SYT1: variants seen among roughly 807,000 people sequenced by gnomAD.
The protein encoded by SYT1 is synaptotagmin-1.
SYT1 carries 8 observed loss-of-function variants against 44.8 expected under a neutral mutation model. The ratio of observed to expected loss-of-function variants is 0.18; its 90% CI spans 0.10 to 0.32. The LOEUF (loss-of-function observed/expected upper bound fraction) is 0.32, where lower values mean the gene tolerates loss of function less well. Among genes scored for constraint, SYT1 ranks in the 10% least tolerant of loss-of-function variants. The pLI, the probability that SYT1 is intolerant of heterozygous loss-of-function variation, is 1.00. For missense variants in SYT1, 286 were observed against 509.3 expected (o/e 0.56, Z 4.22); for synonymous variants, 154 against 188.8 (o/e 0.82, Z 1.51).
In SYT1 at chr12:79,389,929, C is replaced by CT. The variant is rs533704755; in HGVS notation, c.928+36322dup. 6.8e-3 allele frequency among the ~76,000 whole-genome samples: 990 copies of CT among 145,752 alleles called. 10 individuals carry two copies. The highest frequency in any genetic ancestry group is 0.021 in the African/African-American group (830 of 39,938). ...CACTACTTGTTTGTTTCCAATAATT[C>CT]TTTTTTTTTTTTCTTTTTTTTGAGA... On this transcript the variant is annotated intron_variant, in intron 9 of 10. Transcript: ENST00000261205.
chr12:78,958,256 C>A lies in SYT1; in HGVS notation c.-216-19543C>A, dbSNP rs537004246. ...AGTAATCAATAAACACTTCAAATTTCTTTTTAAAATTTATTTCACAAATCC... is the reference window on the plus strand; with the variant it reads ...AGTAATCAATAAACACTTCAAATTTATTTTTAAAATTTATTTCACAAATCC... On this transcript the variant is annotated intron_variant, in intron 1 of 10. Coordinates refer to ENST00000261205, the MANE Select transcript of SYT1 (RefSeq NM_005639.3). 2.9e-4 allele frequency among the ~76,000 whole-genome samples: 44 copies of A among 152,238 alleles called. No individual in the cohort carries two copies. The South Asian group carries it at 7.5e-3, about 26-fold the overall frequency.
rs1565723985 is a variant in SYT1 at position 78,931,394 on chromosome 12, AAGGG to A, written c.-216-46401_-216-46398del. On this transcript the variant is annotated intron_variant, in intron 1 of 10. Transcript: ENST00000261205. The stretch of plus-strand genomic sequence containing the variant: ...GAAGGAAGGAAGGAAGGAAGGAAGG[AAGGG>A]AGGAGAGAGGAAGGAAGGAAGGAAG... 2.0e-4 allele frequency among the ~76,000 whole-genome samples: 22 copies of A among 110,374 alleles called. 2 individuals are homozygous for A. Among genetic ancestry groups the A allele is most frequent in the African/African-American group, 6.9e-4 (20 of 28,784 alleles). 72.4% of individuals were successfully genotyped at this position (110,374 alleles called of 152,430 possible).
intron 1 of SYT1, among the ~76,000 whole-genome samples, chr12:78,971,913 G>C (rs1868410107): frequency 6.6e-6 from 1 of 152,106 alleles, no homozygotes; most frequent in South Asian, 2.1e-4. Flanking sequence ...CCCCTTTTAA[G>C]GGTCTGGTGA....
At chr12:79,413,988 G>A (rs1868581786) in intron 9 of SYT1, among the ~76,000 whole-genome samples, 1 of 152,034 alleles carries the variant, frequency 6.6e-6, no homozygotes, top group East Asian at 1.9e-4. Context: ...ATTTAGGCTG[G>A]GACTGCTACA....
chr12:78,930,317 G>T (rs1456473920), intron 1 of SYT1, among the ~76,000 whole-genome samples: 1 of 151,606 alleles, frequency 6.6e-6, no homozygotes, highest in African/African-American at 2.4e-5. Flanking sequence ...TAAACCAATA[G>T]AAAAAGAAAG....
At chr12:79,008,251 A>C (rs1266879948) in intron 2 of SYT1, among the ~76,000 whole-genome samples, 2 of 152,050 alleles carry the variant, frequency 1.3e-5, no homozygotes, top group African/African-American at 4.8e-5. Context: ...CAGCATGTGC[A>C]AAAGTCCTAA....
At position 79,260,010 on chromosome 12, in the gene SYT1, C is replaced by T. The variant is rs140884756; in HGVS notation, c.167-25777C>T. The stretch of plus-strand genomic sequence containing the variant: ...CAGTGTAGAACCTATAATTTAGCTG[C>T]GATTGTTCTCTTGGTTTTATTTTAT... On this transcript the variant is annotated intron_variant, in intron 4 of 10. Coordinates refer to ENST00000261205, the MANE Select transcript of SYT1 (RefSeq NM_005639.3). Among the ~76,000 whole-genome samples, 19 of 152,126 alleles carry T rather than the reference C, an allele frequency of 1.2e-4. No homozygotes were observed. In the East Asian group the frequency reaches 1.5e-3, roughly 12 times the overall value.
At chr12:79,021,953 G>A (rs1465405072) in intron 2 of SYT1, among the ~76,000 whole-genome samples, 2 of 151,376 alleles carry the variant, frequency 1.3e-5, no homozygotes, top group African/African-American at 4.8e-5. Context: ...TAGCCATTCT[G>A]TAAGTTAGCT....
intron 6 of SYT1, among the ~76,000 whole-genome samples, chr12:79,293,325 AAAAATAAAATAAAAT>A (rs71091659): frequency 0.087 from 9,669 of 111,330 alleles, 715 homozygotes; most frequent in Admixed American, 0.17. Flanking sequence ...CTCCATCTCA[AAAAATAAAATAAAAT>A]AAAATAAAAT....
At chr12:79,332,382 G>A (rs1214798980) in intron 8 of SYT1, among the ~76,000 whole-genome samples, 2 of 152,114 alleles carry the variant, frequency 1.3e-5, no homozygotes. Flanking sequence ...AAACCAGATG[G>A]AAACTAAATC....
At chr12:78,972,693 A>G (rs913020199) in intron 1 of SYT1, among the ~76,000 whole-genome samples, 2 of 151,974 alleles carry the variant, frequency 1.3e-5, no homozygotes, top group Non-Finnish European at 1.5e-5. Flanking sequence ...TGAAAAATCT[A>G]TTAATATTCC....
Position 79,208,054 on chromosome 12 carries a change from AC to A in SYT1, c.-17-9448del, listed in dbSNP as rs908094008. Among the ~76,000 whole-genome samples the A allele has an allele frequency of 1.8e-3, 271 of 152,168 alleles. 1 individual carries two copies. Among genetic ancestry groups the A allele is most frequent in the African/African-American group, 6.4e-3 (264 of 41,566 alleles). On this transcript the variant is annotated intron_variant, in intron 3 of 10. Coordinates refer to ENST00000261205, the MANE Select transcript of SYT1 (RefSeq NM_005639.3). ...GCTATTTGTTCATTTTGAGAAACTT[AC>A]AGCTGCATCTCTCTGCACGTATCCT... is the stretch of plus-strand genomic sequence containing the variant.
At chr12:79,377,207 G>T (rs1884033136) in intron 9 of SYT1, among the ~76,000 whole-genome samples, 1 of 152,160 alleles carries the variant, frequency 6.6e-6, no homozygotes, top group African/African-American at 2.4e-5. Context: ...TGCCTCCCAG[G>T]TTCACACCAT....
intron 3 of SYT1, among the ~76,000 whole-genome samples, chr12:79,166,816 T>G (rs774124706): frequency 2.7e-4 from 41 of 152,044 alleles, no homozygotes; most frequent in Non-Finnish European, 1.0e-4. Flanking sequence ...AGTGGAAGGA[T>G]CCTTGGACTT....
intron 1 of SYT1, among the ~76,000 whole-genome samples, chr12:78,950,728 A>G (rs566778051): frequency 1.2e-4 from 18 of 152,236 alleles, no homozygotes; most frequent in African/African-American, 3.6e-4. Context: ...TGATTAGATC[A>G]TGCTTTTTTA....
At chr12:79,179,424 CTATA>C (rs1565842154) in intron 3 of SYT1, among the ~76,000 whole-genome samples, 1 of 110,780 alleles carries the variant, frequency 9.0e-6, no homozygotes, top group African/African-American at 3.7e-5. Flanking sequence ...ATAGATATAT[CTATA>C]TAGATATATC....
chr12:78,986,268 ATT>A (rs1166588996), intron 2 of SYT1, among the ~76,000 whole-genome samples: 1 of 151,876 alleles, frequency 6.6e-6, no homozygotes, highest in Non-Finnish European at 1.5e-5. Context: ...CATTTGTTCC[ATT>A]TTCTTTTTGT....
In SYT1 at chr12:79,339,668, G is replaced by T. The variant is rs1420391003; in HGVS notation, c.811-13834G>T. ...TCTTTTGCTGTGCAGAAGCCCTTTA[G>T]TTTAATTAGATCCCATTTGTCTATT... On this transcript the variant is annotated intron_variant, in intron 8 of 10. Transcript: ENST00000261205. Among the ~76,000 whole-genome samples the T allele has an allele frequency of 5.3e-5, 8 of 152,248 alleles. No individual in the cohort carries two copies. The South Asian group carries it at 1.5e-3, about 28-fold the overall frequency.
chr12:79,125,642 A>C (rs967527488), intron 3 of SYT1, among the ~76,000 whole-genome samples: 1 of 149,158 alleles, frequency 6.7e-6, no homozygotes, highest in Non-Finnish European at 1.5e-5. Context: ...AAAAAGAAAA[A>C]AAAAGAAAAG....
Sources: allele counts gnomAD v4.1 joint callset (sites outside exome capture counted in the v4.1 genomes callset), GRCh38; gene constraint gnomAD v4.1.1; transcripts MANE v1.5; gene names NCBI Gene and HGNC (gene_info 2026-07-23, HGNC 2026-07-21).